The following PLA2G6 variants were observed in gnomAD, a reference collection of about 807,000 sequenced individuals.
PLA2G6 encodes the protein phospholipase A2 group VI.
In PLA2G6, 62 loss-of-function variants were observed where a neutral mutation model predicts 83.8. The ratio of observed to expected loss-of-function variants is 0.74; its 90% confidence interval spans 0.60 to 0.91. The LOEUF (loss-of-function observed/expected upper bound fraction) is 0.91. Among genes scored for constraint, PLA2G6 ranks in the 40% least tolerant of loss-of-function variants. PLA2G6 has a pLI of 0.00. For synonymous variants in PLA2G6, 417 were observed against 449.8 expected (o/e 0.93, Z 0.92); for missense variants, 944 against 1,102.0 (o/e 0.86, Z 2.03).
rs148426444 is a variant in PLA2G6, at chr22:38,156,409, T to C, written c.210-10756A>G. ...TCAGCATATGGATCATTCTCAAGGA[T>C]AGACCATATGGTAGGCCACAAAACA... On this transcript the variant is annotated intron_variant, in intron 2 of 16. Coordinates refer to ENST00000332509, the MANE Select transcript of PLA2G6 (RefSeq NM_003560.4). Among the ~76,000 whole-genome samples, 93 of 152,272 alleles carry C rather than the reference T, an allele frequency of 6.1e-4. 1 individual carries two copies. The highest frequency in any genetic ancestry group is 2.6e-3 in the Admixed American group (40 of 15,290).
In PLA2G6 at chr22:38,113,522, CA is replaced by C. The variant is rs1281282603; in HGVS notation, c.2166del (p.Phe722LeufsTer39). 2 of 1,613,966 alleles carry C rather than the reference CA, an allele frequency of 1.2e-6. No individual in the cohort carries two copies. Among genetic ancestry groups the C allele is most frequent in the African/African-American group, 1.3e-5 (1 of 74,910 alleles). ...ACCATCTTGCCCAGTTCCTTGGCCC[CA>C]AAAACAGTCTTGGCCAGCTCCCAGG... ...SNPWELAKTV[F>X]GAKELGKMVV... On this transcript the variant is annotated frameshift_variant, in exon 15 of 17. Coordinates refer to ENST00000332509, the MANE Select transcript of PLA2G6 (RefSeq NM_003560.4). LOFTEE classifies it high-confidence loss of function.
chr22:38,132,629 G>A lies in PLA2G6; in HGVS notation c.1077+202C>T, dbSNP rs370192929. On this transcript the variant is annotated intron_variant, in intron 7 of 16. Transcript: ENST00000332509. The surrounding 1 kb of genome is among the most constrained non-coding windows in gnomAD (Gnocchi z 5.0). ...GAAAAGGTACCACAGCACACAGGAGGTGGTGTTATTTTGGGCTGAGAGGGG... is the reference window on the plus strand; with the variant it reads ...GAAAAGGTACCACAGCACACAGGAGATGGTGTTATTTTGGGCTGAGAGGGG... 1.7e-6 allele frequency: 1 copy of A among 599,762 alleles called. No individual in the cohort carries two copies. The allele number at this position is 599,762 out of a possible 1,614,324, so 37.2% of individuals were successfully genotyped here.
chr22:38,160,982 A>G (rs1230504143), intron 2 of PLA2G6, among the ~76,000 whole-genome samples: 2 of 152,194 alleles, frequency 1.3e-5, no homozygotes, highest in Admixed American at 6.5e-5. Context: ...TGTTTGTGAT[A>G]AATCACTGAG....
rs1029286187 is a variant in PLA2G6 at position 38,113,477 on chromosome 22, CCACACTCA to C, written c.2202+2_2202+9del. 1 of 1,613,574 alleles carries C rather than the reference CCACACTCA, an allele frequency of 6.2e-7. No individual in the cohort carries two copies. Among genetic ancestry groups the C allele is most frequent in the Non-Finnish European group, 8.5e-7 (1 of 1,179,756 alleles). On this transcript the variant is annotated splice_donor_variant and splice_donor_5th_base_variant and intron_variant, in intron 15 of 16. Coordinates refer to ENST00000332509, the MANE Select transcript of PLA2G6 (RefSeq NM_003560.4). LOFTEE classifies it high-confidence loss of function. ...GAGGGAAGTGGCCTGGGGGAGGGGC[CCACACTCA>C]CACAGTCCACCACCATCTTGCCCAG... is the stretch of plus-strand genomic sequence containing the variant.
intron 2 of PLA2G6, among the ~76,000 whole-genome samples, chr22:38,166,185 G>A (rs538215594): frequency 5.8e-4 from 88 of 152,314 alleles, no homozygotes; most frequent in African/African-American, 1.9e-3. Flanking sequence ...CCATGTGACC[G>A]GGTTCTGGCC....
rs183978140 is a variant in PLA2G6 at position 38,120,893 on chromosome 22, G to A, written c.1608C>T (p.Tyr536=). 1.9e-6 allele frequency: 3 copies of A among 1,613,704 alleles called. No homozygotes were observed. The highest frequency in any genetic ancestry group is 1.3e-5 in the African/African-American group (1 of 75,074). ...LAILHSKSMA[Y]MRGMYFRMKD... ...TCATGCGAAAGTACATGCCGCGCAT[G>A]TAGGCCATGGACTTACCTAGGAACA... The change falls in exon 12 of 17, where the codon TAC becomes TAT. Residue 536 remains tyrosine (Y), a synonymous_variant. Transcript: ENST00000332509.
intron 10 of PLA2G6, among the ~76,000 whole-genome samples, chr22:38,125,931 T>G (rs1246387447): frequency 6.6e-6 from 1 of 152,164 alleles, no homozygotes; most frequent in African/African-American, 2.4e-5. Context: ...GGCCCGCCTC[T>G]TACAATGGGA....
chr22:38,166,512 G>A (rs892596901), intron 2 of PLA2G6, among the ~76,000 whole-genome samples: 1 of 152,118 alleles, frequency 6.6e-6, no homozygotes, highest in Non-Finnish European at 1.5e-5. Context: ...GGCAGATCAC[G>A]AGGTCAGGAG....
Position 38,115,609 on chromosome 22 carries a change from A to C in PLA2G6, c.1952T>G (p.Leu651Arg). The part of the protein sequence containing the change: ...PTYFRPNGRF[L>R]DGGLLANNPT... ...GTTGTTGGCCAGCAGCCCACCGTCC[A>C]GGAAGCGCCCATTGGGTCGGAAGTA... Residue 651 changes from leucine (L) to arginine (R), a missense_variant, in exon 14 of 17, where the codon CTG becomes CGG. Leu to Arg is a moderately radical substitution (Grantham distance 102, BLOSUM62 -2). Transcript: ENST00000332509. 6.2e-7 allele frequency: 1 copy of C among 1,612,362 alleles called. No individual in the cohort carries two copies.
chr22:38,149,028 G>T, intron 2 of PLA2G6: 1 of 155,164 alleles, frequency 6.4e-6, no homozygotes, highest in Admixed American at 6.4e-5. Context: ...ACCATGCTCA[G>T]CTAATTTTTT....
intron 1 of PLA2G6, among the ~76,000 whole-genome samples, chr22:38,179,228 A>G (rs2090753035): frequency 6.6e-6 from 1 of 152,232 alleles, no homozygotes; most frequent in African/African-American, 2.4e-5. Context: ...AGCCAGTGAC[A>G]TCAGAGAGGC....
intron 7 of PLA2G6, chr22:38,131,884 T>TGAGACCAGCCTGGCCAACACAGGAGTTC: frequency 6.2e-6 from 2 of 323,328 alleles, no homozygotes; most frequent in South Asian, 4.6e-5. Context: ...GTCAGGAGTT[T>TGAGACCAGCCTGGCCAACACAGGAGTTC]GAGACCAGCC....
chr22:38,151,616 T>C (rs997841967), intron 2 of PLA2G6, among the ~76,000 whole-genome samples: 1 of 152,208 alleles, frequency 6.6e-6, no homozygotes, highest in Non-Finnish European at 1.5e-5. Flanking sequence ...TGAAGCACCA[T>C]GGCAAGTTAA....
At position 38,123,635 on chromosome 22, in the gene PLA2G6, A is replaced by C. The variant is rs1602098762; in HGVS notation, c.1428-377T>G. On this transcript the variant is annotated intron_variant, in intron 10 of 16. Transcript: ENST00000332509. This position sits in a 1 kb window ranked among gnomAD's most constrained non-coding sequence, Gnocchi z 4.1. Reference sequence around the variant, plus strand: ...TGTTGGAATTAAATAAGGCTGGGGAAGGAGGGGCGGGGACCCTACAGCCAG... The same window carrying C: ...TGTTGGAATTAAATAAGGCTGGGGACGGAGGGGCGGGGACCCTACAGCCAG... Among the ~76,000 whole-genome samples, 1 of 152,174 alleles carries C rather than the reference A, an allele frequency of 6.6e-6. No homozygotes were observed. The highest frequency in any genetic ancestry group is 6.5e-5 in the Admixed American group (1 of 15,274).
In PLA2G6 at chr22:38,112,056, A is replaced by T; in HGVS notation, c.*105T>A. Reference sequence around the variant, plus strand: ...TCTCCCAGGCCTGGTCTATGGACTCAGAGGTGCCTGGGCCCAGATCTGCCC... The same window carrying T: ...TCTCCCAGGCCTGGTCTATGGACTCTGAGGTGCCTGGGCCCAGATCTGCCC... On this transcript the variant is annotated 3_prime_UTR_variant, in exon 17 of 17. Transcript: ENST00000332509. 1 of 1,345,692 alleles carries T rather than the reference A, an allele frequency of 7.4e-7. No homozygotes were observed. The highest frequency in any genetic ancestry group is 1.0e-6 in the Non-Finnish European group (1 of 963,358). The allele number at this position is 1,345,692 out of a possible 1,614,324, so 83.4% of individuals were successfully genotyped here.
intron 14 of PLA2G6, among the ~76,000 whole-genome samples, chr22:38,115,195 G>T (rs918329899): frequency 6.6e-6 from 1 of 152,174 alleles, no homozygotes; most frequent in Non-Finnish European, 1.5e-5. Context: ...ATTCCTGTGG[G>T]ACTGTCTATC....
At chr22:38,151,001 C>G (rs1344703501) in intron 2 of PLA2G6, among the ~76,000 whole-genome samples, 1 of 152,120 alleles carries the variant, frequency 6.6e-6, no homozygotes, top group Non-Finnish European at 1.5e-5. Flanking sequence ...GGAGGAGAAT[C>G]GCTTGAACCT....
At chr22:38,174,785 G>A (rs1043056237) in intron 1 of PLA2G6, among the ~76,000 whole-genome samples, 2 of 152,134 alleles carry the variant, frequency 1.3e-5, no homozygotes, top group African/African-American at 4.8e-5. Context: ...GGAAGGTGCT[G>A]AGAGGAGGGG....
chr22:38,111,736 A>C lies in PLA2G6; in HGVS notation c.*425T>G, dbSNP rs1406634340. The stretch of plus-strand genomic sequence containing the variant: ...TCCCAGCCCCCAGGGAACGGAGCAG[A>C]GGGCAGAGGGAGTGGGCTGCACCCA... On this transcript the variant is annotated 3_prime_UTR_variant, in exon 17 of 17. Coordinates refer to ENST00000332509, the MANE Select transcript of PLA2G6 (RefSeq NM_003560.4). The C allele has an allele frequency of 3.5e-6, 1 of 287,906 alleles. No homozygotes were observed. The highest frequency in any genetic ancestry group is 6.9e-6 in the Non-Finnish European group (1 of 145,370). 17.8% of individuals were successfully genotyped at this position (287,906 alleles called of 1,614,324 possible).
Sources: gnomAD v4.1 joint callset for allele counts (sites outside exome capture counted in the v4.1 genomes callset) on GRCh38, gnomAD v4.1.1 for gene constraint, Gnocchi (gnomAD v3.1) non-coding constraint, MANE v1.5 for transcripts, NCBI Gene and HGNC (gene_info 2026-07-23, HGNC 2026-07-21) for gene names.